ADGRL2: variants seen among roughly 807,000 people sequenced by gnomAD.
The protein encoded by ADGRL2 is adhesion G protein-coupled receptor L2.
In ADGRL2, 44 loss-of-function variants were observed where a neutral mutation model predicts 157.4. The ratio of observed to expected loss-of-function variants is 0.28; its 90% CI spans 0.22 to 0.36. ADGRL2 has a LOEUF of 0.36. ADGRL2 is among the 10% of genes least tolerant of loss of function. The pLI, the probability that ADGRL2 is intolerant of heterozygous loss-of-function variation, is 1.00. For synonymous variants in ADGRL2, 585 were observed against 624.7 expected (o/e 0.94, Z 0.95); for missense variants, 1,510 against 1,768.9 (o/e 0.85, Z 2.63).
intron 3 of ADGRL2, among the ~76,000 whole-genome samples, chr1:81,644,847 G>T (rs1214122380): frequency 1.3e-5 from 2 of 152,078 alleles, no homozygotes; most frequent in Non-Finnish European, 2.9e-5. Context: ...ATTCAATTCT[G>T]CTGTGAACCT....
chr1:81,368,720 C>T (rs2076109725), intron 1 of ADGRL2, among the ~76,000 whole-genome samples: 1 of 152,150 alleles, frequency 6.6e-6, no homozygotes, highest in Non-Finnish European at 1.5e-5. Context: ...TACTTAACTG[C>T]TCACTGACTG....
At chr1:81,675,715 G>T (rs1431191608) in intron 3 of ADGRL2, among the ~76,000 whole-genome samples, 1 of 151,896 alleles carries the variant, frequency 6.6e-6, no homozygotes, top group Non-Finnish European at 1.5e-5. Flanking sequence ...CCGAGTAGCT[G>T]GGATTACAGG....
intron 1 of ADGRL2, among the ~76,000 whole-genome samples, chr1:81,438,931 A>G (rs2077457841): frequency 6.6e-6 from 1 of 152,010 alleles, no homozygotes; most frequent in Non-Finnish European, 1.5e-5. Flanking sequence ...TCAAATCTGG[A>G]GTGCTCTTCT....
chr1:81,672,233 G>A (rs2082890143), intron 3 of ADGRL2, among the ~76,000 whole-genome samples: 1 of 152,184 alleles, frequency 6.6e-6, no homozygotes, highest in African/African-American at 2.4e-5. Flanking sequence ...AAGACTAAAT[G>A]TCTCCCGGTG....
intron 3 of ADGRL2, among the ~76,000 whole-genome samples, chr1:81,694,573 A>C (rs927368385): frequency 6.6e-5 from 10 of 152,078 alleles, no homozygotes; most frequent in African/African-American, 2.4e-4. Flanking sequence ...ATAAAAACTT[A>C]ATTAAAACAA....
chr1:81,932,595 G>C (rs1221204033), intron 3 of ADGRL2, among the ~76,000 whole-genome samples: 1 of 152,142 alleles, frequency 6.6e-6, no homozygotes, highest in African/African-American at 2.4e-5. Flanking sequence ...GCACTGATCA[G>C]AGTCACCTGC....
At chr1:81,878,245 A>G (rs758111207) in intron 2 of ADGRL2, among the ~76,000 whole-genome samples, 1 of 152,086 alleles carries the variant, frequency 6.6e-6, no homozygotes, top group Admixed American at 6.5e-5. Context: ...AACATATCTA[A>G]CATGAGGAAC....
At chr1:81,612,017 T>C (rs1394474810) in intron 3 of ADGRL2, among the ~76,000 whole-genome samples, 2 of 152,172 alleles carry the variant, frequency 1.3e-5, no homozygotes, top group Admixed American at 6.6e-5. Flanking sequence ...GTAAGTTTCC[T>C]GAGACCTCCC....
At chr1:81,968,855 A>G (rs528213826) in intron 14 of ADGRL2, among the ~76,000 whole-genome samples, 1 of 152,314 alleles carries the variant, frequency 6.6e-6, no homozygotes, top group South Asian at 2.1e-4. Context: ...ATGAATAAGT[A>G]TTCTTTATTC....
At chr1:81,608,710 A>G (rs1351694244) in intron 3 of ADGRL2, among the ~76,000 whole-genome samples, 1 of 151,936 alleles carries the variant, frequency 6.6e-6, no homozygotes, top group Non-Finnish European at 1.5e-5. Context: ...CAACTCTGCT[A>G]CTCTTCTCCA....
chr1:81,512,806 T>C (rs2079103591), intron 2 of ADGRL2, among the ~76,000 whole-genome samples: 2 of 152,148 alleles, frequency 1.3e-5, no homozygotes, highest in South Asian at 2.1e-4. Context: ...TTCTGGGTAA[T>C]TACCCACAGC....
intron 1 of ADGRL2, among the ~76,000 whole-genome samples, chr1:81,720,218 T>C (rs2084259391): frequency 6.7e-6 from 1 of 149,722 alleles, no homozygotes; most frequent in African/African-American, 2.5e-5. Flanking sequence ...AATCTTGCTC[T>C]GTCACCCTGG....
intron 1 of ADGRL2, among the ~76,000 whole-genome samples, chr1:81,404,120 T>C (rs1011868183): frequency 9.2e-5 from 14 of 152,280 alleles, no homozygotes; most frequent in African/African-American, 3.4e-4. Flanking sequence ...TCAGAAGATC[T>C]GATTACAGTT....
At chr1:81,505,554 T>C (rs1329740062) in intron 2 of ADGRL2, among the ~76,000 whole-genome samples, 1 of 150,556 alleles carries the variant, frequency 6.6e-6, no homozygotes, top group Non-Finnish European at 1.5e-5. Flanking sequence ...CAGAGCCGGA[T>C]GAGGGATGCC....
upstream of ADGRL2, among the ~76,000 whole-genome samples, chr1:81,695,586 A>C (rs1384960682): frequency 2.0e-5 from 3 of 152,040 alleles, no homozygotes; most frequent in Non-Finnish European, 4.4e-5. Flanking sequence ...TTGGGAGACC[A>C]AGGTGGGTGG....
At position 81,936,728 on chromosome 1, in the gene ADGRL2, G is replaced by A. The variant is rs747123560; in HGVS notation, c.288G>A (p.Arg96=). Residue 96 remains arginine, a splice_region_variant and synonymous_variant, in exon 4 of 24, where the codon AGG becomes AGA. Coordinates refer to ENST00000686636, the MANE Select transcript of ADGRL2 (RefSeq NM_001366006.2). ...AAGTTTGATACATTTTGTTTTTCAG[G>A]TGCAACAATCGAACACAGTGTATAG... The part of the protein sequence containing the change: ...LPDAFKIMTQ[R]CNNRTQCIVV... The A allele has an allele frequency of 5.2e-6, 8 of 1,546,012 alleles. No homozygotes were observed. Among genetic ancestry groups the A allele is most frequent in the South Asian group, 1.2e-5 (1 of 84,050 alleles).
chr1:81,407,718 A>G (rs2076877597), intron 1 of ADGRL2, among the ~76,000 whole-genome samples: 1 of 152,228 alleles, frequency 6.6e-6, no homozygotes, highest in African/African-American at 2.4e-5. Context: ...AAGCCAAGAA[A>G]CATAATCTGG....
intron 1 of ADGRL2, among the ~76,000 whole-genome samples, chr1:81,343,087 C>CTTTTTTTTTTTTTTTTTTTTTT (rs764039251): frequency 1.0e-4 from 13 of 127,488 alleles, no homozygotes; most frequent in Admixed American, 1.7e-4. Flanking sequence ...TTTCTTTTTT[C>CTTTTTTTTTTTTTTTTTTTTTT]TTTTCTTTTT....
At chr1:81,484,608 T>C (rs1350208975) in intron 2 of ADGRL2, among the ~76,000 whole-genome samples, 1 of 152,218 alleles carries the variant, frequency 6.6e-6, no homozygotes, top group African/African-American at 2.4e-5. Context: ...ATTTCAGTTA[T>C]GAGCTGTGTA....
Sources: allele counts gnomAD v4.1 joint callset (sites outside exome capture counted in the v4.1 genomes callset), GRCh38; gene constraint gnomAD v4.1.1; transcripts MANE v1.5; gene names NCBI Gene and HGNC (gene_info 2026-07-23, HGNC 2026-07-21).